Variants in SKI observed in about 807,000 individuals in gnomAD.
The protein encoded by SKI is ski oncogene.
Under a neutral mutation model 59.3 loss-of-function variants are expected in SKI, and 23 were observed. The observed-to-expected ratio is 0.39, with a 90% CI of 0.28 to 0.55. The LOEUF is 0.55. SKI is among the 20% of genes least tolerant of loss of function. The pLI is 0.67. For synonymous variants in SKI, 673 were observed against 488.6 expected, an observed-to-expected ratio of 1.38 and a Z score of -4.98; for missense variants, 1,017 against 1,038.9, an observed-to-expected ratio of 0.98 and a Z score of 0.29.
At chr1:2,304,272 C>T (rs1001369635) in intron 4 of SKI, 21 bp from the exon 5 acceptor site, 14 of 1,551,638 alleles carry the variant, frequency 9.0e-6, no homozygotes, top group Non-Finnish European at 1.1e-5. Context: ...GACTTTGTTT[C>T]TGTCTCTGCT....
Position 2,277,526 on chromosome 1 carries a change from C to T in SKI, c.970-25452C>T, listed in dbSNP as rs114012525. On this transcript the variant is annotated intron_variant, in intron 1 of 6. Transcript: ENST00000378536. ...CATGTAAAAAGTGCCTTTCACCACC[C>T]GCCATGATTCTGAGGCTTCCCCAGC... Among the ~76,000 whole-genome samples the T allele has an allele frequency of 7.7e-3, 1,179 of 152,332 alleles. 8 individuals carry two copies. The highest frequency in any genetic ancestry group is 0.027 in the African/African-American group (1,110 of 41,568).
rs774106502 is a variant in SKI, at chr1:2,306,129, A to T, written c.1877A>T (p.Lys626Met). The change falls in exon 6 of 7, where the codon AAG becomes ATG. Residue 626 changes from lysine to methionine, a missense_variant. Transcript: ENST00000378536. ...CGTCTCCGCGCCGAGAACGAGAAGA[A>T]GATGAAAGAGGCCAACGAGTCACGG... is the stretch of plus-strand genomic sequence containing the variant. The part of the protein sequence containing the change: ...IERLRAENEK[K>M]MKEANESRLR... The T allele has an allele frequency of 4.7e-5, 75 of 1,597,620 alleles. No homozygotes were observed. Among genetic ancestry groups the T allele is most frequent in the Middle Eastern group, 1.6e-4 (1 of 6,066 alleles).
chr1:2,272,440 C>T (rs995701836), intron 1 of SKI, among the ~76,000 whole-genome samples: 5 of 152,206 alleles, frequency 3.3e-5, no homozygotes, highest in African/African-American at 1.2e-4. Context: ...GTTGGGGAGA[C>T]GGCCCTGGCC....
intron 6 of SKI, 140 bp downstream of exon 6, chr1:2,306,390 C>T: frequency 9.9e-7 from 1 of 1,008,846 alleles, no homozygotes; most frequent in Non-Finnish European, 1.4e-6. Flanking sequence ...GCCCCCCCGA[C>T]GGGCACAGGG....
rs1638552914 is a variant in SKI, at chr1:2,228,525, G to T, written c.-242G>T. Among the ~76,000 whole-genome samples, 1 of 143,364 alleles carries T rather than the reference G, an allele frequency of 7.0e-6. No homozygotes were observed. The highest frequency in any genetic ancestry group is 1.5e-5 in the Non-Finnish European group (1 of 64,750). The allele number at this position is 143,364 out of a possible 152,430, so 94.1% of individuals were successfully genotyped here. ...CCGGGCGGCGGCGGGCGCGGCGCGG[G>T]GCGCGTGGATGTGGCGCCGGGCCCG... On this transcript the variant is annotated 5_prime_UTR_variant, in exon 1 of 7. Coordinates refer to ENST00000378536, the MANE Select transcript of SKI (RefSeq NM_003036.4).
At chr1:2,295,145 A>G (rs1395969126) in intron 1 of SKI, among the ~76,000 whole-genome samples, 1 of 152,178 alleles carries the variant, frequency 6.6e-6, no homozygotes, top group Non-Finnish European at 1.5e-5. Context: ...ACAGCTGCTA[A>G]AGACTCAGAC....
At chr1:2,249,993 C>T (rs1234287924) in intron 1 of SKI, among the ~76,000 whole-genome samples, 6 of 152,140 alleles carry the variant, frequency 3.9e-5, no homozygotes, top group Non-Finnish European at 7.3e-5. Flanking sequence ...CAACCTCCGC[C>T]TCCTGGATTC....
Position 2,306,618 on chromosome 1 carries a change from C to A in SKI, c.2040C>A (p.Asp680Glu). The A allele has an allele frequency of 6.5e-7, 1 of 1,544,872 alleles. No homozygotes were observed. Among genetic ancestry groups the A allele is most frequent in the South Asian group, 1.2e-5 (1 of 83,826 alleles). ...TGAAGCTGCAGCACGCGGAGGCGGA[C>A]CGGGAGCAGCTGCGGGCCGACCTGC... ...LQVKLQHAEA[D>E]REQLRADLLR... The change falls in exon 7 of 7, where the codon GAC (aspartate) becomes GAA (glutamate). Residue 680 changes from aspartate to glutamate, a missense_variant. Coordinates refer to ENST00000378536, the MANE Select transcript of SKI (RefSeq NM_003036.4).
chr1:2,261,401 C>T (rs956915910), intron 1 of SKI, among the ~76,000 whole-genome samples: 14 of 152,182 alleles, frequency 9.2e-5, no homozygotes, highest in South Asian at 2.1e-4. Context: ...TTCCGACCAA[C>T]GGAAAGCTCT....
chr1:2,230,931 C>T (rs1284560966), intron 1 of SKI, among the ~76,000 whole-genome samples: 1 of 152,106 alleles, frequency 6.6e-6, no homozygotes, highest in East Asian at 1.9e-4. Context: ...GAGGGACTGT[C>T]GCCTCTGCTC....
Position 2,240,277 on chromosome 1 carries a change from C to T in SKI, c.969+10542C>T, listed in dbSNP as rs141707856. Among the ~76,000 whole-genome samples, 842 of 152,324 alleles carry T rather than the reference C, an allele frequency of 5.5e-3. 6 individuals carry two copies. Among genetic ancestry groups the T allele is most frequent in the African/African-American group, 0.019 (783 of 41,576 alleles). On this transcript the variant is annotated intron_variant, in intron 1 of 6. Coordinates refer to ENST00000378536, the MANE Select transcript of SKI (RefSeq NM_003036.4). ...GGCCACAGGCCTGGAGAAGCGACAC[C>T]GGTGGGAAGCCACCGGCAGAGAAGT...
In SKI at chr1:2,307,633, CCCTT is replaced by C. The variant is rs1640630120; in HGVS notation, c.*870_*873del. On this transcript the variant is annotated 3_prime_UTR_variant, in exon 7 of 7. Transcript: ENST00000378536. Reference sequence around the variant, plus strand: ...CCTTTTCAGTTCGGCAAACGTCGCTCCCTTCATTTTGGGACTGAGGCTGCAGCAT... The same window carrying C: ...CCTTTTCAGTTCGGCAAACGTCGCTCCATTTTGGGACTGAGGCTGCAGCAT... 1 of 152,652 alleles carries C rather than the reference CCCTT, an allele frequency of 6.6e-6. No homozygotes were observed. The highest frequency in any genetic ancestry group is 1.9e-4 in the East Asian group (1 of 5,194). The allele number at this position is 152,652 out of a possible 1,614,324, so 9.5% of individuals were successfully genotyped here. A position where few individuals can be genotyped will look rare whatever the true frequency, so the allele number is the denominator to read the frequency against.
intron 1 of SKI, among the ~76,000 whole-genome samples, chr1:2,272,250 C>T (rs971317007): frequency 2.0e-4 from 31 of 152,212 alleles, no homozygotes; most frequent in African/African-American, 7.2e-4. Context: ...AGGTCTGAGC[C>T]TAGCTACCAA....
At chr1:2,250,302 C>T (rs532210963) in intron 1 of SKI, among the ~76,000 whole-genome samples, 1 of 152,314 alleles carries the variant, frequency 6.6e-6, no homozygotes, top group Admixed American at 6.5e-5. Context: ...CTGGGTAGCC[C>T]TCGTGCCGCT....
chr1:2,229,766 GGAT>G lies in SKI; in HGVS notation c.969+33_969+35del, dbSNP rs762394489. ...TGGCCCCAGGCCTGGGAGCTGGGGA[GGAT>G]GCGCTTGGGGTGGGGGCCCCTTCTG... On this transcript the variant is annotated intron_variant, in intron 1 of 6. Transcript: ENST00000378536. The surrounding 1 kb of genome is among the most constrained non-coding windows in gnomAD (Gnocchi z 6.3). The G allele has an allele frequency of 1.4e-5, 22 of 1,550,358 alleles. No individual in the cohort carries two copies. In the Admixed American group the frequency reaches 4.3e-4, roughly 30 times the overall value.
intron 1 of SKI, among the ~76,000 whole-genome samples, chr1:2,241,665 T>A (rs987859271): frequency 6.6e-6 from 1 of 152,156 alleles, no homozygotes; most frequent in African/African-American, 2.4e-5. Context: ...AGTGCTAGGA[T>A]TACAGGTGTG....
At chr1:2,286,579 TATA>T (rs1381558256) in intron 1 of SKI, among the ~76,000 whole-genome samples, 1 of 152,240 alleles carries the variant, frequency 6.6e-6, no homozygotes, top group Non-Finnish European at 1.5e-5. Context: ...GAACCCCAAA[TATA>T]ATAATTAAAG....
chr1:2,291,681 T>TG (rs1410806435), intron 1 of SKI, among the ~76,000 whole-genome samples: 5 of 82,646 alleles, frequency 6.0e-5, no homozygotes, highest in Non-Finnish European at 1.0e-4. Context: ...CTTTGTGTTT[T>TG]GATGCCCCTT....
At chr1:2,302,304 A>G (rs1458834768) in intron 1 of SKI, among the ~76,000 whole-genome samples, 4 of 152,088 alleles carry the variant, frequency 2.6e-5, no homozygotes, top group Admixed American at 6.5e-5. Flanking sequence ...GAGCGAGGCA[A>G]AGGTGTGTGT....
Sources: allele counts gnomAD v4.1 joint callset (sites outside exome capture counted in the v4.1 genomes callset), GRCh38; gene constraint gnomAD v4.1.1; non-coding constraint Gnocchi (gnomAD v3.1); transcripts MANE v1.5; gene names NCBI Gene and HGNC (gene_info 2026-07-23, HGNC 2026-07-21).